The following COL27A1 variants were observed in gnomAD, a reference collection of about 807,000 sequenced individuals.
COL27A1 encodes collagen alpha-1(XXVII) chain.
In COL27A1, 106 loss-of-function variants were observed where a neutral mutation model predicts 251.3. That is an observed-to-expected ratio of 0.42 (90% CI 0.36 to 0.50). COL27A1 has a LOEUF of 0.50. Ranked by LOEUF, COL27A1 falls within the 20% of genes least tolerant of loss-of-function variation. COL27A1 has a pLI of 0.00. For synonymous variants in COL27A1, 1,000 were observed against 986.3 expected (o/e 1.01, Z -0.26); for missense variants, 2,325 against 2,522.8 (o/e 0.92, Z 1.68).
At chr9:114,202,339 G>T (rs1177386115) in intron 7 of COL27A1, among the ~76,000 whole-genome samples, 1 of 152,168 alleles carries the variant, frequency 6.6e-6, no homozygotes, top group Non-Finnish European at 1.5e-5. Flanking sequence ...GTTCTCTTGG[G>T]GTTCTTGCCC....
intron 10 of COL27A1, among the ~76,000 whole-genome samples, chr9:114,206,975 A>G (rs1830009694): frequency 1.3e-5 from 2 of 152,202 alleles, no homozygotes; most frequent in African/African-American, 4.8e-5. Flanking sequence ...GGAGTTGGAA[A>G]GATTTAGAGC....
chr9:114,306,873 G>A (rs1256453226), intron 58 of COL27A1, among the ~76,000 whole-genome samples, 185 bp downstream of exon 58: 1 of 152,228 alleles, frequency 6.6e-6, no homozygotes, highest in Non-Finnish European at 1.5e-5. Context: ...TGCTGGGGAT[G>A]ACCATTTCAG....
At chr9:114,263,416 C>T (rs1834494893) in intron 28 of COL27A1, among the ~76,000 whole-genome samples, 1 of 152,106 alleles carries the variant, frequency 6.6e-6, no homozygotes, top group South Asian at 2.1e-4. Flanking sequence ...CCACAGGACA[C>T]TCCTGTCCTC....
At chr9:114,240,865 G>A (rs1832709355) in intron 21 of COL27A1, among the ~76,000 whole-genome samples, 1 of 152,206 alleles carries the variant, frequency 6.6e-6, no homozygotes, top group South Asian at 2.1e-4. Context: ...GAGGCCCAGA[G>A]AGGAAAAGAG....
chr9:114,266,623 G>A lies in COL27A1; in HGVS notation c.3447+5G>A, dbSNP rs1283249039. On this transcript the variant is annotated splice_donor_5th_base_variant and intron_variant, in intron 33 of 60. Transcript: ENST00000356083. Reference sequence around the variant, plus strand: ...CCAGGAGAGATGGGACCCAAGGTGAGTGTGAGAGACCCTTATTCGTCCCAT... The same window carrying A: ...CCAGGAGAGATGGGACCCAAGGTGAATGTGAGAGACCCTTATTCGTCCCAT... 2 of 1,613,228 alleles carry A rather than the reference G, an allele frequency of 1.2e-6. No individual in the cohort carries two copies. The highest frequency in any genetic ancestry group is 1.7e-5 in the Admixed American group (1 of 60,016).
At chr9:114,217,696 C>T in intron 12 of COL27A1, 1 of 455,818 alleles carries the variant, frequency 2.2e-6, no homozygotes, top group South Asian at 1.6e-5. Context: ...CCTTGTAGGC[C>T]ATGTGGAGTC....
rs143760759 is a variant in COL27A1 at position 114,296,581 on chromosome 9, C to T, written c.4585-3489C>T. 1.6e-3 allele frequency among the ~76,000 whole-genome samples: 251 copies of T among 152,238 alleles called. 1 individual carries two copies. The highest frequency in any genetic ancestry group is 5.8e-3 in the African/African-American group (242 of 41,540). On this transcript the variant is annotated intron_variant, in intron 49 of 60. Transcript: ENST00000356083. The stretch of plus-strand genomic sequence containing the variant: ...AAGTGTTGGCAAAGACATGGGGAAA[C>T]TGAAACTTTCAAATGCTGATAATGG...
chr9:114,282,748 T>A (rs1195532653), intron 39 of COL27A1, among the ~76,000 whole-genome samples, 184 bp downstream of exon 39: 1 of 152,210 alleles, frequency 6.6e-6, no homozygotes, highest in Non-Finnish European at 1.5e-5. Context: ...TGCAGAAAGC[T>A]GCAGCCCCGC....
intron 49 of COL27A1, among the ~76,000 whole-genome samples, chr9:114,298,945 C>A (rs1267127317): frequency 2.6e-5 from 4 of 152,066 alleles, no homozygotes; most frequent in Admixed American, 1.3e-4. Context: ...AAAAGACAAT[C>A]CAAATTTAAA....
At chr9:114,194,506 A>G (rs777758782) in intron 6 of COL27A1, 49 bp downstream of exon 6, 1 of 1,508,824 alleles carries the variant, frequency 6.6e-7, no homozygotes, top group South Asian at 1.2e-5. Flanking sequence ...AGTGGATGAT[A>G]GTGAAATTGC....
intron 12 of COL27A1, chr9:114,218,412 T>C (rs1225179574): frequency 6.5e-6 from 1 of 152,954 alleles, no homozygotes; most frequent in African/African-American, 2.4e-5. Context: ...ATAGCTCATA[T>C]GAACATGCCA....
At chr9:114,291,994 C>A in intron 48 of COL27A1, 109 bp from the exon 49 acceptor site, 1 of 971,600 alleles carries the variant, frequency 1.0e-6, no homozygotes, top group African/African-American at 1.6e-5. Flanking sequence ...TCTGCAATCT[C>A]GGGTACCCTG....
intron 49 of COL27A1, 23 bp from the exon 50 acceptor site, chr9:114,300,047 A>G (rs1302337486): frequency 1.2e-6 from 2 of 1,613,958 alleles, no homozygotes; most frequent in Non-Finnish European, 1.7e-6. Context: ...CACTCGCTCC[A>G]TCACTTCCTG....
chr9:114,253,006 C>T, intron 27 of COL27A1, 74 bp downstream of exon 27: 1 of 1,227,288 alleles, frequency 8.1e-7, no homozygotes, highest in South Asian at 1.3e-5. Context: ...TGTGGTGGCT[C>T]ACACCTGTAA....
chr9:114,257,558 T>G (rs1834009534), intron 27 of COL27A1, among the ~76,000 whole-genome samples: 1 of 151,992 alleles, frequency 6.6e-6, no homozygotes, highest in African/African-American at 2.4e-5. Context: ...TCTCACCCTG[T>G]CTCTCTTGCC....
At position 114,268,167 on chromosome 9, in the gene COL27A1, C is replaced by A. The variant is rs538898898; in HGVS notation, c.3501+610C>A. 3.9e-5 allele frequency among the ~76,000 whole-genome samples: 6 copies of A among 152,328 alleles called. No individual in the cohort carries two copies. The East Asian group carries it at 1.2e-3, about 29-fold the overall frequency. Reference sequence around the variant, plus strand: ...AACACCAATGAAGAAAACCACCCCACGTAGAAAACTGATAGAAGTGGGATT... The same window carrying A: ...AACACCAATGAAGAAAACCACCCCAAGTAGAAAACTGATAGAAGTGGGATT... On this transcript the variant is annotated intron_variant, in intron 34 of 60. Coordinates refer to ENST00000356083, the MANE Select transcript of COL27A1 (RefSeq NM_032888.4).
At chr9:114,205,225 A>G in intron 8 of COL27A1, 79 bp downstream of exon 8, 1 of 1,361,538 alleles carries the variant, frequency 7.3e-7, no homozygotes, top group Non-Finnish European at 1.0e-6. Context: ...CCCTCCCTAG[A>G]TCCTGCTCTG....
At chr9:114,251,430 G>A (rs780265697) in intron 25 of COL27A1, among the ~76,000 whole-genome samples, 6 of 151,352 alleles carry the variant, frequency 4.0e-5, no homozygotes, top group Non-Finnish European at 8.8e-5. Flanking sequence ...CTCCTCCCTC[G>A]CTTCCCCCTC....
chr9:114,252,811 G>T, intron 26 of COL27A1, 68 bp from the exon 27 acceptor site: 1 of 1,535,652 alleles, frequency 6.5e-7, no homozygotes, highest in South Asian at 1.1e-5. Flanking sequence ...GGGCTGAGCC[G>T]ACCGAGGTGG....
Sources: allele counts gnomAD v4.1 joint callset (sites outside exome capture counted in the v4.1 genomes callset), GRCh38; gene constraint gnomAD v4.1.1; transcripts MANE v1.5; gene names NCBI Gene and HGNC (gene_info 2026-07-23, HGNC 2026-07-21).